Variants in NEDD9 observed in about 807,000 individuals in gnomAD.
NEDD9 encodes the protein enhancer of filamentation 1.
In NEDD9, 26 loss-of-function variants were observed where a neutral mutation model predicts 76.6. The observed-to-expected ratio is 0.34, with a 90% CI of 0.25 to 0.47. The LOEUF is 0.47. NEDD9 is among the 20% of genes least tolerant of loss of function. The probability of loss-of-function intolerance (pLI) is 1.00; values close to 1 mark genes in which losing one functional copy is unlikely to be tolerated. For synonymous variants in NEDD9, 392 were observed against 414.2 expected (o/e 0.95, Z 0.65); for missense variants, 937 against 1,058.5 (o/e 0.89, Z 1.59).
At chr6:11,365,665 A>G (rs781356093) in intron 1 of NEDD9, among the ~76,000 whole-genome samples, 1 of 152,210 alleles carries the variant, frequency 6.6e-6, no homozygotes, top group African/African-American at 2.4e-5. Context: ...AAAAGGCTTG[A>G]TCATAACAAA....
intron 3 of NEDD9, among the ~76,000 whole-genome samples, chr6:11,284,721 C>T (rs1760611502): frequency 6.6e-6 from 1 of 150,806 alleles, no homozygotes; most frequent in Non-Finnish European, 1.5e-5. Flanking sequence ...ATTGGATACT[C>T]ATTTGTTCCA....
chr6:11,360,226 G>T (rs372741543), intron 1 of NEDD9, among the ~76,000 whole-genome samples: 1 of 152,226 alleles, frequency 6.6e-6, no homozygotes, highest in African/African-American at 2.4e-5. Context: ...ACCCCCATTA[G>T]GGTGAAGAGG....
intron 3 of NEDD9, chr6:11,305,182 T>C (rs1237347501): frequency 8.0e-7 from 1 of 1,255,684 alleles, no homozygotes; most frequent in Non-Finnish European, 1.0e-6. Flanking sequence ...AAACAGTTGA[T>C]CGATCTCAAT....
chr6:11,260,824 A>G (rs1760094523), intron 3 of NEDD9, among the ~76,000 whole-genome samples: 1 of 152,104 alleles, frequency 6.6e-6, no homozygotes, highest in South Asian at 2.1e-4. Flanking sequence ...ACCTACTATT[A>G]ACCATTCTCA....
intron 3 of NEDD9, among the ~76,000 whole-genome samples, chr6:11,270,309 A>G (rs532417507): frequency 2.0e-5 from 3 of 152,002 alleles, no homozygotes; most frequent in Non-Finnish European, 4.4e-5. Flanking sequence ...AATTAAAGGG[A>G]GCTAGAATTA....
At chr6:11,239,256 A>G (rs1256032716) in intron 3 of NEDD9, among the ~76,000 whole-genome samples, 1 of 152,150 alleles carries the variant, frequency 6.6e-6, no homozygotes, top group Admixed American at 6.5e-5. Flanking sequence ...ATTCCCTTAC[A>G]TGGTTTCTTT....
chr6:11,217,630 A>G (rs1218961039), intron 1 of NEDD9, among the ~76,000 whole-genome samples: 1 of 152,250 alleles, frequency 6.6e-6, no homozygotes, highest in Non-Finnish European at 1.5e-5. Context: ...TTCACTTTAC[A>G]AAAGAAAAAA....
intron 1 of NEDD9, among the ~76,000 whole-genome samples, chr6:11,345,363 G>A (rs952245857): frequency 1.3e-5 from 2 of 152,116 alleles, no homozygotes; most frequent in African/African-American, 2.4e-5. Context: ...GCAGTGTGAG[G>A]GAGTGTCAGG....
At chr6:11,355,965 C>A (rs1762566278) in intron 1 of NEDD9, among the ~76,000 whole-genome samples, 1 of 152,130 alleles carries the variant, frequency 6.6e-6, no homozygotes. Context: ...TCGTGATCTG[C>A]CCACCTTGGC....
intron 3 of NEDD9, among the ~76,000 whole-genome samples, chr6:11,249,797 A>G (rs1244381025): frequency 6.6e-6 from 1 of 152,190 alleles, no homozygotes; most frequent in African/African-American, 2.4e-5. Flanking sequence ...ATGCTAGGGT[A>G]CTGGGCAATA....
At chr6:11,278,075 C>T (rs767147223) in intron 3 of NEDD9, among the ~76,000 whole-genome samples, 9 of 152,202 alleles carry the variant, frequency 5.9e-5, no homozygotes, top group South Asian at 2.1e-4. Flanking sequence ...TCTGCTGCCT[C>T]CCTGCTTCTC....
In NEDD9 at chr6:11,191,177, C is replaced by T. The variant is rs781704547; in HGVS notation, c.692G>A (p.Arg231Gln). 61 of 1,608,696 alleles carry T rather than the reference C, an allele frequency of 3.8e-5. No individual in the cohort carries two copies. Among genetic ancestry groups the T allele is most frequent in the South Asian group, 3.4e-4 (31 of 90,458 alleles). ...TTTTTCCCTAAGCCCTGCTTCATCC[C>T]GGCAAGCAGAGGGCGGAATGGCATA... Reference protein sequence around the residue: ...GVYAIPPSACRDEAGLREKDY... With the variant: ...GVYAIPPSACQDEAGLREKDY... The change falls in exon 5 of 7, where the codon CGG becomes CAG. Residue 231 changes from arginine to glutamine, a missense_variant. Transcript: ENST00000379446.
chr6:11,286,070 G>A (rs148234420), intron 3 of NEDD9, among the ~76,000 whole-genome samples: 79 of 152,138 alleles, frequency 5.2e-4, no homozygotes, highest in African/African-American at 1.7e-3. Context: ...AGACACTGGC[G>A]GAAAATGTTT....
In NEDD9 at chr6:11,190,452, C is replaced by A; in HGVS notation, c.1417G>T (p.Ala473Ser). The change falls in exon 5 of 7, where the codon GCT becomes TCT. Residue 473 changes from alanine (A) to serine (S), a missense_variant. Coordinates refer to ENST00000379446, the MANE Select transcript of NEDD9 (RefSeq NM_006403.4). The surrounding 1 kb of genome is among the most constrained non-coding windows in gnomAD (Gnocchi z 5.8). Reference protein sequence around the residue: ...LHFVKGAVANAACLPELILHN... With the variant: ...LHFVKGAVANSACLPELILHN... ...AGGATGAGTTCCGGGAGGCAGGCAG[C>A]ATTTGCAACAGCTCCCTTGACAAAG... 1 of 1,614,208 alleles carries A rather than the reference C, an allele frequency of 6.2e-7. No individual in the cohort carries two copies. The highest frequency in any genetic ancestry group is 1.3e-5 in the African/African-American group (1 of 75,058).
intron 1 of NEDD9, among the ~76,000 whole-genome samples, chr6:11,230,714 C>A (rs943523870): frequency 1.3e-5 from 2 of 152,214 alleles, no homozygotes; most frequent in Non-Finnish European, 2.9e-5. Context: ...AAGGTGCCTA[C>A]AAGGTAATAA....
intron 2 of NEDD9, among the ~76,000 whole-genome samples, chr6:11,313,827 T>G (rs1761459478): frequency 6.6e-6 from 1 of 152,194 alleles, no homozygotes; most frequent in Non-Finnish European, 1.5e-5. Flanking sequence ...CACGGTAATA[T>G]TTGTTTTTAA....
rs761200795 is a variant in NEDD9 at position 11,189,971 on chromosome 6, T to C, written c.1898A>G (p.His633Arg). The change falls in exon 5 of 7, where the codon CAC becomes CGC. Residue 633 changes from histidine to arginine, a missense_variant. By Grantham distance (29) the His-to-Arg change is conservative. Coordinates refer to ENST00000379446, the MANE Select transcript of NEDD9 (RefSeq NM_006403.4). The part of the protein sequence containing the change: ...RSWMDDYDYV[H>R]LQGKEEFERQ... ...TGAGTTCCGCTGTTTTACCTGTAGGTGGACGTAATCGTAGTCATCCATCCA... is the reference window on the plus strand; with the variant it reads ...TGAGTTCCGCTGTTTTACCTGTAGGCGGACGTAATCGTAGTCATCCATCCA... 2 of 1,515,850 alleles carry C rather than the reference T, an allele frequency of 1.3e-6. No homozygotes were observed. Among genetic ancestry groups the C allele is most frequent in the South Asian group, 1.3e-5 (1 of 74,960 alleles). 93.9% of individuals were successfully genotyped at this position (1,515,850 alleles called of 1,614,324 possible).
At chr6:11,322,726 A>C (rs555759568) in intron 2 of NEDD9, among the ~76,000 whole-genome samples, 4 of 152,254 alleles carry the variant, frequency 2.6e-5, no homozygotes, top group Admixed American at 1.3e-4. Context: ...TACCGGAATG[A>C]CGTGTTTCAT....
At position 11,286,297 on chromosome 6, in the gene NEDD9, C is replaced by T. The variant is rs139394224; in HGVS notation, c.12+19695G>A. Among the ~76,000 whole-genome samples the T allele has an allele frequency of 1.7e-4, 26 of 152,260 alleles. No homozygotes were observed. The East Asian group carries it at 3.9e-3, about 23-fold the overall frequency. On this transcript the variant is annotated intron_variant, in intron 3 of 3. Coordinates refer to the NEDD9 transcript ENST00000397378. The stretch of plus-strand genomic sequence containing the variant: ...AAATTAAAGCCACTAGAAGGTACCA[C>T]TACATACCTATTAGAATAGCAAGAA...
Sources: gnomAD v4.1 joint callset for allele counts (sites outside exome capture counted in the v4.1 genomes callset) on GRCh38, gnomAD v4.1.1 for gene constraint, Gnocchi (gnomAD v3.1) non-coding constraint, MANE v1.5 for transcripts, NCBI Gene and HGNC (gene_info 2026-07-23, HGNC 2026-07-21) for gene names.